ERCC6L2: variants seen among roughly 807,000 people sequenced by gnomAD.
ERCC6L2 encodes ERCC excision repair 6 like 2, also known as DNA excision repair protein ERCC-6-like 2.
In ERCC6L2, 77 loss-of-function variants were observed where a neutral mutation model predicts 132.0. The observed-to-expected ratio is 0.58, with a 90% CI of 0.49 to 0.71. The LOEUF is 0.71. Ranked by LOEUF, ERCC6L2 falls within the 30% of genes least tolerant of loss-of-function variation. The pLI is 0.00. For missense variants in ERCC6L2, 1,542 were observed against 1,837.6 expected (o/e 0.84, Z 2.94); for synonymous variants, 583 against 632.4 (o/e 0.92, Z 1.17).
intron 17 of ERCC6L2, among the ~76,000 whole-genome samples, chr9:95,994,106 T>G (rs1288756067): frequency 6.6e-6 from 1 of 152,240 alleles, no homozygotes; most frequent in African/African-American, 2.4e-5. Flanking sequence ...ATTTTCATAC[T>G]TAAGCAAAAA....
chr9:96,033,285 G>A (rs1484055737), intron 19 of ERCC6L2, among the ~76,000 whole-genome samples: 3 of 147,898 alleles, frequency 2.0e-5, no homozygotes, highest in Non-Finnish European at 1.5e-5. Context: ...TATTCTTGTT[G>A]CCCAGGCTGG....
intron 19 of ERCC6L2, among the ~76,000 whole-genome samples, chr9:96,032,115 G>A (rs754578729): frequency 6.6e-6 from 1 of 152,104 alleles, no homozygotes; most frequent in Non-Finnish European, 1.5e-5. Flanking sequence ...GGCTGTGGCT[G>A]GGTATCCCCG....
At chr9:95,944,368 G>A (rs1349362227) in intron 12 of ERCC6L2, among the ~76,000 whole-genome samples, 1 of 152,178 alleles carries the variant, frequency 6.6e-6, no homozygotes, top group Non-Finnish European at 1.5e-5. Flanking sequence ...TTAGGGGATA[G>A]GGAGGAATGG....
At position 95,907,113 on chromosome 9, in the gene ERCC6L2, C is replaced by T. The variant is rs369055167; in HGVS notation, c.630C>T (p.Tyr210=). ...FLIVAPLSVL[Y]NWKDELDTWG... ...TAGTTGCTCCTCTTTCTGTCCTCTA[C>T]AACTGGAAGGATGAATTGGACACCT... The change falls in exon 4 of 19, where the codon TAC becomes TAT. Residue 210 remains tyrosine, a synonymous_variant. Transcript: ENST00000653738. 13 of 1,612,500 alleles carry T rather than the reference C, an allele frequency of 8.1e-6. No individual in the cohort carries two copies. Among genetic ancestry groups the T allele is most frequent in the Admixed American group, 6.7e-5 (4 of 59,740 alleles).
intron 17 of ERCC6L2, among the ~76,000 whole-genome samples, chr9:95,984,264 G>T (rs1588022072): frequency 6.7e-6 from 1 of 148,640 alleles, no homozygotes; most frequent in Admixed American, 6.8e-5. Context: ...CTACATACAT[G>T]TATGTTATGT....
chr9:95,970,582 G>A lies in ERCC6L2; in HGVS notation c.2107G>A (p.Gly703Ser), dbSNP rs1322047538. Residue 703 changes from glycine to serine, a missense_variant, in exon 15 of 19, where the codon GGC becomes AGC. By Grantham distance (56) the Gly-to-Ser change is moderately conservative. Around this residue, in one of 4 missense-constraint regions of ERCC6L2, gnomAD observed 945 missense variants for 1,105.2 expected, o/e 0.86. Coordinates refer to ENST00000653738, the MANE Select transcript of ERCC6L2 (RefSeq NM_020207.7). ...TTTCTTACTGACATTATAGAGAGAA[G>A]GCCAAGTAGAAGCAGGGATCATGAC... ...CLTKDILERE[G>S]QVEAGIMTAT... The A allele has an allele frequency of 3.8e-6, 5 of 1,303,210 alleles. No homozygotes were observed. The highest frequency in any genetic ancestry group is 5.1e-6 in the Non-Finnish European group (5 of 988,440). 80.7% of individuals were successfully genotyped at this position (1,303,210 alleles called of 1,614,324 possible). A position where few individuals can be genotyped will look rare whatever the true frequency, so the allele number is the denominator to read the frequency against.
rs1319382281 is a variant in ERCC6L2 at position 96,015,419 on chromosome 9, T to C, written c.*2216T>C. 1.3e-4 allele frequency among the ~76,000 whole-genome samples: 19 copies of C among 151,690 alleles called. No homozygotes were observed. Among genetic ancestry groups the C allele is most frequent in the Admixed American group, 1.2e-3 (18 of 15,250 alleles). ...GCCAGGCTGGTCTCAATCTCCTGGC[T>C]GCAAGCGATCCACCTGCCTTGTCCT... On this transcript the variant is annotated 3_prime_UTR_variant, in exon 19 of 19. Transcript: ENST00000653738.
At chr9:95,898,759 C>G (rs565754380) in intron 3 of ERCC6L2, among the ~76,000 whole-genome samples, 2 of 152,212 alleles carry the variant, frequency 1.3e-5, no homozygotes, top group African/African-American at 4.8e-5. Context: ...AAAACAGACT[C>G]TTTTATACAA....
Position 96,015,472 on chromosome 9 carries a change from G to A in ERCC6L2, c.*2269G>A, listed in dbSNP as rs1353861172. ...CAAAGTGCTGGGATTACAGGTGTGAGCCACCATGCCCAGCCAATAAATGCT... is the reference window on the plus strand; with the variant it reads ...CAAAGTGCTGGGATTACAGGTGTGAACCACCATGCCCAGCCAATAAATGCT... On this transcript the variant is annotated 3_prime_UTR_variant, in exon 19 of 19. Coordinates refer to ENST00000653738, the MANE Select transcript of ERCC6L2 (RefSeq NM_020207.7). Among the ~76,000 whole-genome samples, 1 of 150,784 alleles carries A rather than the reference G, an allele frequency of 6.6e-6. No individual in the cohort carries two copies. The highest frequency in any genetic ancestry group is 1.5e-5 in the Non-Finnish European group (1 of 67,722).
chr9:95,957,251 G>A (rs1359497279), intron 13 of ERCC6L2, among the ~76,000 whole-genome samples: 1 of 152,050 alleles, frequency 6.6e-6, no homozygotes, highest in Non-Finnish European at 1.5e-5. Context: ...TGTTCAGTTG[G>A]CATCTATTTA....
rs552887100 is a variant in ERCC6L2, at chr9:96,016,145, C to T, written c.*2942C>T. Among the ~76,000 whole-genome samples the T allele has an allele frequency of 1.3e-5, 2 of 152,156 alleles. No homozygotes were observed. The highest frequency in any genetic ancestry group is 2.9e-5 in the Non-Finnish European group (2 of 68,036). On this transcript the variant is annotated 3_prime_UTR_variant, in exon 19 of 19. Coordinates refer to ENST00000653738, the MANE Select transcript of ERCC6L2 (RefSeq NM_020207.7). ...CTAAATGGGTGGCCTCAAGCAAATC[C>T]CTTACCTCCTTTTAGCCTTAGTTTC...
chr9:95,988,937 A>G (rs528892171), intron 17 of ERCC6L2, among the ~76,000 whole-genome samples: 27 of 152,172 alleles, frequency 1.8e-4, no homozygotes, highest in African/African-American at 6.0e-4. Context: ...GGTTCCCACA[A>G]CCCCCTCCTG....
intron 19 of ERCC6L2, among the ~76,000 whole-genome samples, chr9:96,027,442 G>A (rs996259753): frequency 6.6e-6 from 1 of 152,200 alleles, no homozygotes; most frequent in Non-Finnish European, 1.5e-5. Flanking sequence ...GACCCTGGCC[G>A]GGGCAGCCCG....
intron 12 of ERCC6L2, among the ~76,000 whole-genome samples, chr9:95,952,788 T>C (rs890830487): frequency 2.6e-5 from 4 of 151,702 alleles, no homozygotes; most frequent in African/African-American, 4.8e-5. Context: ...TGCAGTTTGC[T>C]GAGATTGCAA....
intron 2 of ERCC6L2, among the ~76,000 whole-genome samples, chr9:95,892,962 GTTCA>G (rs1017295131): frequency 6.6e-6 from 1 of 152,062 alleles, no homozygotes; most frequent in Non-Finnish European, 1.5e-5. Flanking sequence ...ATACAAATCT[GTTCA>G]TTCAGAAACA....
intron 7 of ERCC6L2, among the ~76,000 whole-genome samples, chr9:95,921,701 AT>A (rs913818248): frequency 5.9e-5 from 9 of 152,230 alleles, no homozygotes; most frequent in African/African-American, 1.9e-4. Flanking sequence ...TATAGTGTCA[AT>A]TTAATAGAAA....
rs1180452052 is a variant in ERCC6L2, at chr9:96,012,506, C to A, written c.3956C>A (p.Ser1319Tyr). ...SDSETLSFKD[S>Y]TNKISQVCSL... ...TCTGAAACCTTGTCATTTAAAGATT[C>A]TACCAACAAAATTTCTCAAGTTTGC... Residue 1319 changes from serine (S) to tyrosine (Y), a missense_variant, in exon 19 of 19, where the codon TCT becomes TAT. Physicochemically the swap from Ser to Tyr is moderately radical, Grantham distance 144. Coordinates refer to ENST00000653738, the MANE Select transcript of ERCC6L2 (RefSeq NM_020207.7). 7.3e-7 allele frequency: 1 copy of A among 1,367,414 alleles called. No homozygotes were observed. The highest frequency in any genetic ancestry group is 9.8e-7 in the Non-Finnish European group (1 of 1,021,790). 84.7% of individuals were successfully genotyped at this position (1,367,414 alleles called of 1,614,324 possible). A position where few individuals can be genotyped will look rare whatever the true frequency, so the allele number is the denominator to read the frequency against.
intron 12 of ERCC6L2, among the ~76,000 whole-genome samples, chr9:95,955,173 A>T (rs1831538612): frequency 6.6e-6 from 1 of 152,154 alleles, no homozygotes; most frequent in South Asian, 2.1e-4. Context: ...TTTAATTAGC[A>T]CTATGGTCTG....
At chr9:96,030,136 T>G (rs1627425) in intron 19 of ERCC6L2, among the ~76,000 whole-genome samples, 104,617 of 152,092 alleles carry the variant, frequency 0.69, 36,714 homozygotes, top group East Asian at 0.86. Context: ...GCACCAGTCA[T>G]CGCTCCGTGG....
Sources: gnomAD v4.1 joint callset for allele counts (sites outside exome capture counted in the v4.1 genomes callset) on GRCh38, gnomAD v4.1.1 for gene constraint, gnomAD v4.1.1 regional missense constraint, MANE v1.5 for transcripts, NCBI Gene and HGNC (gene_info 2026-07-23, HGNC 2026-07-21) for gene names.